PLEKHM3: variants seen among roughly 807,000 people sequenced by gnomAD.
The protein encoded by PLEKHM3 is pleckstrin homology domain-containing family M member 3.
A neutral mutation model predicts 81.8 loss-of-function variants in PLEKHM3; 45 were observed. The observed-to-expected ratio is 0.55, with a 90% confidence interval of 0.43 to 0.71. The LOEUF is 0.71. Ranked by LOEUF, PLEKHM3 falls within the 30% of genes least tolerant of loss-of-function variation. The pLI is 0.00. For missense variants in PLEKHM3, 788 were observed against 924.3 expected, an observed-to-expected ratio of 0.85 and a Z score of 1.91; for synonymous variants, 352 against 356.4, an observed-to-expected ratio of 0.99 and a Z score of 0.14.
At chr2:208,004,936 C>G (rs1692449601) in intron 1 of PLEKHM3, among the ~76,000 whole-genome samples, 1 of 152,138 alleles carries the variant, frequency 6.6e-6, no homozygotes, top group Non-Finnish European at 1.5e-5. Context: ...AGCGATTCTC[C>G]TGCCTCAACC....
chr2:207,947,393 G>A (rs1358336536), intron 3 of PLEKHM3, among the ~76,000 whole-genome samples: 2 of 152,198 alleles, frequency 1.3e-5, no homozygotes, highest in South Asian at 2.1e-4. Context: ...TACTGTCAGC[G>A]AACCTGGTAA....
At position 207,916,497 on chromosome 2, in the gene PLEKHM3, T is replaced by C. The variant is rs186432106; in HGVS notation, c.1887-7920A>G. On this transcript the variant is annotated intron_variant, in intron 5 of 7. Transcript: ENST00000427836. ...GCTCACATCTGTAATCCCAGCACTT[T>C]GGGAGGCCGAGGTAGATAGATCACC... Among the ~76,000 whole-genome samples, 666 of 152,238 alleles carry C rather than the reference T, an allele frequency of 4.4e-3. 5 individuals are homozygous for C. Among genetic ancestry groups the C allele is most frequent in the African/African-American group, 0.015 (634 of 41,544 alleles).
chr2:207,879,892 T>C (rs1480529071), intron 6 of PLEKHM3, among the ~76,000 whole-genome samples: 1 of 152,178 alleles, frequency 6.6e-6, no homozygotes, highest in Non-Finnish European at 1.5e-5. Context: ...CATTTGAACA[T>C]TTGGTACATG....
chr2:207,832,108 G>C (rs1282751442), intron 7 of PLEKHM3, among the ~76,000 whole-genome samples: 1 of 152,178 alleles, frequency 6.6e-6, no homozygotes, highest in Non-Finnish European at 1.5e-5. Context: ...GGTGATGGAA[G>C]AGCTGAGCGC....
chr2:207,946,221 GAA>G, intron 4 of PLEKHM3, 144 bp downstream of exon 4: 1 of 807,602 alleles, frequency 1.2e-6, no homozygotes, highest in Non-Finnish European at 1.9e-6. Context: ...AGATATATAA[GAA>G]GCATTAGGTA....
chr2:207,926,843 A>T (rs767691222), intron 5 of PLEKHM3, among the ~76,000 whole-genome samples: 1 of 152,224 alleles, frequency 6.6e-6, no homozygotes, highest in Non-Finnish European at 1.5e-5. Context: ...AAGGCCTAAA[A>T]GCAAACTATG....
chr2:207,844,134 A>G (rs948502406), intron 7 of PLEKHM3, among the ~76,000 whole-genome samples: 1 of 151,866 alleles, frequency 6.6e-6, no homozygotes, highest in African/African-American at 2.4e-5. Flanking sequence ...GTCTTAAGAT[A>G]CTTCAACCTC....
At chr2:207,894,144 G>A (rs1330398802) in intron 6 of PLEKHM3, among the ~76,000 whole-genome samples, 1 of 152,036 alleles carries the variant, frequency 6.6e-6, no homozygotes, top group Non-Finnish European at 1.5e-5. Context: ...AAGCAAAAAG[G>A]AAATTCACAG....
At position 207,826,508 on chromosome 2, in the gene PLEKHM3, A is replaced by G. The variant is rs2092252231; in HGVS notation, c.*1811T>C. 1 of 152,228 alleles carries G rather than the reference A, an allele frequency of 6.6e-6. No individual in the cohort carries two copies. Among genetic ancestry groups the G allele is most frequent in the Non-Finnish European group, 1.5e-5 (1 of 68,046 alleles). 9.4% of individuals were successfully genotyped at this position (152,228 alleles called of 1,614,324 possible). A position where few individuals can be genotyped will look rare whatever the true frequency, so the allele number is the denominator to read the frequency against. On this transcript the variant is annotated 3_prime_UTR_variant, in exon 8 of 8. Coordinates refer to ENST00000427836, the MANE Select transcript of PLEKHM3 (RefSeq NM_001080475.3). ...AAGTTTTCAAGCCTTGGTTGCGGCT[A>G]CTGTATAGTCAGAAAATAAATGCAT...
At chr2:207,875,564 T>A (rs2092555890) in intron 6 of PLEKHM3, among the ~76,000 whole-genome samples, 1 of 152,216 alleles carries the variant, frequency 6.6e-6, no homozygotes, top group Non-Finnish European at 1.5e-5. Flanking sequence ...GAATTTACAC[T>A]ACAGAGATAT....
intron 7 of PLEKHM3, among the ~76,000 whole-genome samples, chr2:207,832,041 C>G (rs1238772753): frequency 6.6e-6 from 1 of 152,192 alleles, no homozygotes; most frequent in African/African-American, 2.4e-5. Flanking sequence ...TACCAGGCTG[C>G]AGTGAGTGAA....
intron 3 of PLEKHM3, among the ~76,000 whole-genome samples, chr2:207,963,569 C>A (rs1444566087): frequency 1.3e-5 from 2 of 152,016 alleles, no homozygotes; most frequent in Non-Finnish European, 1.5e-5. Context: ...GATGACCCAG[C>A]AGCAAATAAA....
Position 207,976,992 on chromosome 2 carries a change from A to G in PLEKHM3, c.1205T>C (p.Leu402Pro). ...FQPGKLDEDP[L>P]LSYNVDVCLA... is the part of the protein sequence containing the mutation. ...ACACACGTCCACGTTGTAGCTCAAC[A>G]GTGGATCCTCGTCTAGCTTGCCAGG... Residue 402 changes from leucine to proline, a missense_variant, in exon 3 of 8, where the codon CTG becomes CCG. By Grantham distance (98) the Leu-to-Pro change is moderately conservative. Transcript: ENST00000427836. This position sits in a 1 kb window ranked among gnomAD's most constrained non-coding sequence, Gnocchi z 4.1. 1 of 1,614,246 alleles carries G rather than the reference A, an allele frequency of 6.2e-7. No homozygotes were observed. Among genetic ancestry groups the G allele is most frequent in the East Asian group, 2.2e-5 (1 of 44,888 alleles).
intron 7 of PLEKHM3, among the ~76,000 whole-genome samples, chr2:207,832,749 C>T (rs1459141303): frequency 6.6e-6 from 1 of 150,960 alleles, no homozygotes; most frequent in Admixed American, 6.6e-5. Context: ...CGAGAAATTG[C>T]ACCACTGCAC....
intron 5 of PLEKHM3, among the ~76,000 whole-genome samples, chr2:207,913,005 T>A (rs1055645037): frequency 3.3e-5 from 5 of 152,170 alleles, no homozygotes; most frequent in Non-Finnish European, 7.3e-5. Context: ...TTTCCTCTGC[T>A]GTGGCTGAGG....
At position 207,821,752 on chromosome 2, in the gene PLEKHM3, A is replaced by ATG. The variant is rs1395229224; in HGVS notation, c.*6566_*6567insCA. On this transcript the variant is annotated 3_prime_UTR_variant, in exon 8 of 8. Transcript: ENST00000427836. ...TTTAAAAAAAAAAGTATATATATAT[A>ATG]TTTTTCAAAGAGATGAGGGTCTCGC... 2 of 151,692 alleles carry ATG rather than the reference A, an allele frequency of 1.3e-5. No individual in the cohort carries two copies. Among genetic ancestry groups the ATG allele is most frequent in the East Asian group, 3.9e-4 (2 of 5,180 alleles). 9.4% of individuals were successfully genotyped at this position (151,692 alleles called of 1,614,324 possible).
At chr2:208,009,970 A>G (rs11676872) in intron 1 of PLEKHM3, among the ~76,000 whole-genome samples, 89,985 of 152,074 alleles carry the variant, frequency 0.59, 29,444 homozygotes, top group Non-Finnish European at 0.73. Context: ...TTAAAAAATA[A>G]TATGGCAAAG....
intron 3 of PLEKHM3, among the ~76,000 whole-genome samples, chr2:207,947,728 C>T (rs1450421101): frequency 6.6e-6 from 1 of 152,212 alleles, no homozygotes; most frequent in Non-Finnish European, 1.5e-5. Flanking sequence ...ACTACTACAA[C>T]TACGACAACT....
At chr2:207,861,655 T>C (rs752925313) in intron 6 of PLEKHM3, among the ~76,000 whole-genome samples, 25 of 152,200 alleles carry the variant, frequency 1.6e-4, no homozygotes, top group Non-Finnish European at 3.5e-4. Context: ...GTTTATGTTG[T>C]AAATGCAATA....
Sources: allele counts gnomAD v4.1 joint callset (sites outside exome capture counted in the v4.1 genomes callset), GRCh38; gene constraint gnomAD v4.1.1; non-coding constraint Gnocchi (gnomAD v3.1); transcripts MANE v1.5; gene names NCBI Gene and HGNC (gene_info 2026-07-23, HGNC 2026-07-21).